The following EYS variants were observed in gnomAD, a reference collection of about 807,000 sequenced individuals.
EYS encodes the protein protein eyes shut homolog.
In EYS, 250 loss-of-function variants were observed where a neutral mutation model predicts 282.1. The observed-to-expected ratio is 0.89, with a 90% CI of 0.80 to 0.98. The LOEUF (loss-of-function observed/expected upper bound fraction) is 0.98. Ranked by LOEUF, EYS falls within the 50% of genes least tolerant of loss-of-function variation. The probability of loss-of-function intolerance (pLI) is 0.00; values close to 1 mark genes in which losing one functional copy is unlikely to be tolerated. For synonymous variants in EYS, 1,355 were observed against 1,282.9 expected, an observed-to-expected ratio of 1.06 and a Z score of -1.20; for missense variants, 4,016 against 3,709.0, an observed-to-expected ratio of 1.08 and a Z score of -2.15.
intron 12 of EYS, among the ~76,000 whole-genome samples, chr6:65,273,773 G>A (rs995654018): frequency 1.3e-5 from 2 of 152,148 alleles, no homozygotes; most frequent in Non-Finnish European, 2.9e-5. Context: ...TTTTGCTTCT[G>A]TAGGTCTGCT....
chr6:65,240,138 T>G (rs1243804239), intron 12 of EYS, among the ~76,000 whole-genome samples: 10 of 151,904 alleles, frequency 6.6e-5, no homozygotes, highest in Non-Finnish European at 1.3e-4. Flanking sequence ...CCAGCTAATT[T>G]TTTGTATTTT....
chr6:64,958,032 TA>T (rs1769769916), intron 14 of EYS, among the ~76,000 whole-genome samples: 1 of 152,140 alleles, frequency 6.6e-6, no homozygotes, highest in Non-Finnish European at 1.5e-5. Flanking sequence ...ATTTTACATT[TA>T]TTAGGATTTT....
chr6:64,095,570 T>C (rs1019542843), intron 31 of EYS, among the ~76,000 whole-genome samples: 1 of 152,210 alleles, frequency 6.6e-6, no homozygotes, highest in Non-Finnish European at 1.5e-5. Context: ...GAGACTAGGA[T>C]TGCAACCCCT....
At chr6:65,268,482 T>A (rs936915183) in intron 12 of EYS, among the ~76,000 whole-genome samples, 7 of 152,018 alleles carry the variant, frequency 4.6e-5, no homozygotes, top group Non-Finnish European at 8.8e-5. Flanking sequence ...TAAAATATAT[T>A]TGAGAAAACA....
chr6:65,207,869 A>G (rs1205920177), intron 12 of EYS, among the ~76,000 whole-genome samples: 1 of 151,828 alleles, frequency 6.6e-6, no homozygotes, highest in Non-Finnish European at 1.5e-5. Context: ...TATACAAATT[A>G]ACTCAAGATG....
At chr6:65,031,143 T>TTATATA (rs56260229) in intron 13 of EYS, among the ~76,000 whole-genome samples, 1 of 145,500 alleles carries the variant, frequency 6.9e-6, no homozygotes, top group African/African-American at 2.5e-5. Context: ...ATTTTATATT[T>TTATATA]TATATATATA....
intron 36 of EYS, among the ~76,000 whole-genome samples, chr6:63,819,861 A>C (rs1771276213): frequency 6.6e-6 from 1 of 152,172 alleles, no homozygotes; most frequent in African/African-American, 2.4e-5. Context: ...AATTCCTGCC[A>C]ATCCCATGAT....
At chr6:63,791,565 G>A (rs1164505003) in intron 37 of EYS, among the ~76,000 whole-genome samples, 4 of 143,400 alleles carry the variant, frequency 2.8e-5, no homozygotes, top group Admixed American at 7.1e-5. Flanking sequence ...GCAACAGAGC[G>A]AGACTCCCTC....
intron 26 of EYS, among the ~76,000 whole-genome samples, chr6:64,579,774 A>G (rs2149823338): frequency 6.6e-6 from 1 of 152,222 alleles, no homozygotes; most frequent in East Asian, 1.9e-4. Flanking sequence ...TCAAGAACAG[A>G]CAGCTCTTTC....
chr6:64,696,325 A>C (rs532088397), intron 22 of EYS, among the ~76,000 whole-genome samples: 1 of 152,330 alleles, frequency 6.6e-6, no homozygotes, highest in African/African-American at 2.4e-5. Context: ...TGAAGAAAAA[A>C]GAATTTTAAA....
chr6:64,972,057 A>G (rs976757466), intron 14 of EYS, among the ~76,000 whole-genome samples: 2 of 152,196 alleles, frequency 1.3e-5, no homozygotes, highest in Non-Finnish European at 2.9e-5. Flanking sequence ...CTAGCAATGT[A>G]TCTTGGAGAA....
chr6:64,330,880 TG>T (rs1770621125), intron 29 of EYS, among the ~76,000 whole-genome samples: 1 of 152,118 alleles, frequency 6.6e-6, no homozygotes, highest in African/African-American at 2.4e-5. Flanking sequence ...ATACAGTGGG[TG>T]GAGCATGGAA....
intron 31 of EYS, among the ~76,000 whole-genome samples, chr6:64,178,106 T>G (rs1279075088): frequency 1.3e-5 from 2 of 152,114 alleles, no homozygotes. Flanking sequence ...AAAGAAGCGA[T>G]ACAGGTTATT....
At chr6:63,905,645 A>G (rs1306263985) in intron 35 of EYS, among the ~76,000 whole-genome samples, 1 of 152,172 alleles carries the variant, frequency 6.6e-6, no homozygotes, top group Non-Finnish European at 1.5e-5. Context: ...AGGGGATTTC[A>G]GGAGTAAAAT....
At chr6:65,628,398 G>C (rs1197282048) in intron 2 of EYS, among the ~76,000 whole-genome samples, 5 of 152,316 alleles carry the variant, frequency 3.3e-5, no homozygotes, top group Admixed American at 6.5e-5. Flanking sequence ...CCAATCAGCA[G>C]GATGTGGGTG....
At chr6:64,420,300 G>A (rs534413851) in intron 28 of EYS, among the ~76,000 whole-genome samples, 1 of 152,088 alleles carries the variant, frequency 6.6e-6, no homozygotes, top group Non-Finnish European at 1.5e-5. Flanking sequence ...GGGGGAGCCT[G>A]GGCCTGGCCT....
intron 19 of EYS, among the ~76,000 whole-genome samples, chr6:64,828,058 A>G (rs1765109187): frequency 6.6e-6 from 1 of 151,958 alleles, no homozygotes; most frequent in Non-Finnish European, 1.5e-5. Context: ...AGGAATATCA[A>G]AAGAGATGGA....
chr6:65,589,087 C>T (rs1187929269), intron 2 of EYS, among the ~76,000 whole-genome samples: 1 of 152,062 alleles, frequency 6.6e-6, no homozygotes, highest in African/African-American at 2.4e-5. Context: ...CTAGTAACCT[C>T]TTAACTTCCA....
At chr6:64,697,504 A>C (rs983036977) in intron 22 of EYS, among the ~76,000 whole-genome samples, 23 of 152,306 alleles carry the variant, frequency 1.5e-4, no homozygotes, top group Admixed American at 1.4e-3. Context: ...GCAAAGAATC[A>C]CTTAACACTT....
Sources: gnomAD v4.1 joint callset for allele counts (sites outside exome capture counted in the v4.1 genomes callset) on GRCh38, gnomAD v4.1.1 for gene constraint, MANE v1.5 for transcripts, NCBI Gene and HGNC (gene_info 2026-07-23, HGNC 2026-07-21) for gene names.